The following DIAPH3 variants were observed in gnomAD, a reference collection of about 807,000 sequenced individuals.
DIAPH3 encodes the protein diaphanous related formin 3.
DIAPH3 carries 117 observed loss-of-function variants against 144.3 expected under a neutral mutation model. That is an observed-to-expected ratio of 0.81 (90% CI 0.70 to 0.95). The LOEUF (loss-of-function observed/expected upper bound fraction) is 0.95, where lower values mean the gene tolerates loss of function less well. Among genes scored for constraint, DIAPH3 ranks in the 40% least tolerant of loss-of-function variants. DIAPH3 has a pLI of 0.00. For missense variants in DIAPH3, 1,421 were observed against 1,412.7 expected, an observed-to-expected ratio of 1.01 and a Z score of -0.09; for synonymous variants, 519 against 488.9, an observed-to-expected ratio of 1.06 and a Z score of -0.81.
chr13:59,939,557 C>T (rs1486639816), intron 17 of DIAPH3, among the ~76,000 whole-genome samples: 1 of 152,136 alleles, frequency 6.6e-6, no homozygotes, highest in Non-Finnish European at 1.5e-5. Context: ...CGCATAAAGA[C>T]AGGTGGCACA....
At chr13:59,979,065 TA>T (rs760251543) in intron 14 of DIAPH3, among the ~76,000 whole-genome samples, 151 of 151,818 alleles carry the variant, frequency 9.9e-4, no homozygotes, top group Non-Finnish European at 8.6e-4. Context: ...TGCTGATATA[TA>T]CAAAATGATA....
chr13:59,754,155 T>C (rs549477472), intron 27 of DIAPH3, among the ~76,000 whole-genome samples: 1 of 152,308 alleles, frequency 6.6e-6, no homozygotes, highest in Admixed American at 6.5e-5. Flanking sequence ...CTACTTCTGA[T>C]ATTTTTGAGG....
At chr13:59,970,757 G>T in intron 16 of DIAPH3, 95 bp downstream of exon 16, 1 of 1,069,408 alleles carries the variant, frequency 9.4e-7, no homozygotes, top group Non-Finnish European at 1.3e-6. Context: ...AATTATGTAG[G>T]CATAAATTAA....
At chr13:59,845,352 T>G (rs1011529326) in intron 22 of DIAPH3, among the ~76,000 whole-genome samples, 29 of 152,126 alleles carry the variant, frequency 1.9e-4, no homozygotes, top group African/African-American at 7.0e-4. Context: ...GACTTAACAC[T>G]TTTAAAGTCA....
chr13:59,768,360 A>C (rs1372270863), intron 27 of DIAPH3, among the ~76,000 whole-genome samples: 3 of 152,172 alleles, frequency 2.0e-5, no homozygotes, highest in Non-Finnish European at 4.4e-5. Context: ...TTTCTACTTT[A>C]AAATAAGATA....
intron 1 of DIAPH3, among the ~76,000 whole-genome samples, chr13:60,134,106 T>C (rs2059208656): frequency 6.6e-6 from 1 of 152,188 alleles, no homozygotes; most frequent in South Asian, 2.1e-4. Context: ...TTCACCAAGA[T>C]GTTCCTTCTT....
intron 14 of DIAPH3, among the ~76,000 whole-genome samples, chr13:59,974,704 TGCAGA>T (rs1188927650): frequency 6.6e-6 from 1 of 152,070 alleles, no homozygotes; most frequent in African/African-American, 2.4e-5. Flanking sequence ...ACCTTCTCTC[TGCAGA>T]GCAAACTGGC....
intron 4 of DIAPH3, among the ~76,000 whole-genome samples, chr13:60,066,958 T>C (rs967496724): frequency 6.6e-6 from 1 of 152,172 alleles, no homozygotes; most frequent in Admixed American, 6.6e-5. Context: ...AAGTATATAA[T>C]TGGTATTCGA....
At chr13:60,104,526 T>C (rs2058354509) in intron 3 of DIAPH3, among the ~76,000 whole-genome samples, 1 of 149,878 alleles carries the variant, frequency 6.7e-6, no homozygotes, top group Non-Finnish European at 1.5e-5. Flanking sequence ...ACTATCTTAA[T>C]TGAAAAACAA....
At chr13:59,673,677 CTGAG>C (rs1040471462) in intron 27 of DIAPH3, among the ~76,000 whole-genome samples, 3 of 152,286 alleles carry the variant, frequency 2.0e-5, no homozygotes, top group Admixed American at 6.5e-5. Flanking sequence ...AGCCTGATTT[CTGAG>C]TGAGAGATGG....
rs112002207 is a variant in DIAPH3, at chr13:60,067,364, A to T, written c.496-24544T>A. ...CTTCCAATGCATTTACTCAACCAAC[A>T]TTTATTAAGTCAAATATATACAGGC... On this transcript the variant is annotated intron_variant, in intron 4 of 27. Coordinates refer to ENST00000400324, the MANE Select transcript of DIAPH3 (RefSeq NM_001042517.2). Among the ~76,000 whole-genome samples, 395 of 152,230 alleles carry T rather than the reference A, an allele frequency of 2.6e-3. 1 individual carries two copies. Among genetic ancestry groups the T allele is most frequent in the African/African-American group, 8.9e-3 (371 of 41,546 alleles).
At chr13:60,021,247 G>A (rs890412860) in intron 5 of DIAPH3, among the ~76,000 whole-genome samples, 2 of 152,330 alleles carry the variant, frequency 1.3e-5, no homozygotes, top group South Asian at 4.1e-4. Flanking sequence ...AATTACCCTA[G>A]TTTATCCAGG....
intron 27 of DIAPH3, among the ~76,000 whole-genome samples, chr13:59,682,237 C>T (rs558992483): frequency 8.5e-5 from 13 of 152,286 alleles, no homozygotes; most frequent in South Asian, 2.1e-4. Context: ...CCAATTTGTA[C>T]GAAGGGTCCA....
intron 25 of DIAPH3, among the ~76,000 whole-genome samples, chr13:59,777,470 T>C (rs1415912801): frequency 1.3e-5 from 2 of 152,126 alleles, no homozygotes; most frequent in African/African-American, 2.4e-5. Flanking sequence ...ACAATTCACA[T>C]AGTAAGAAAT....
intron 5 of DIAPH3, among the ~76,000 whole-genome samples, chr13:60,035,834 T>A (rs910376300): frequency 6.6e-6 from 1 of 152,128 alleles, no homozygotes; most frequent in South Asian, 2.1e-4. Flanking sequence ...TAGGCACATC[T>A]CTCTAATGAA....
Position 59,731,159 on chromosome 13 carries a change from T to C in DIAPH3, c.3319+43030A>G, listed in dbSNP as rs143036192. 4.2e-3 allele frequency among the ~76,000 whole-genome samples: 637 copies of C among 152,318 alleles called. 8 individuals are homozygous for C. Among genetic ancestry groups the C allele is most frequent in the Non-Finnish European group, 2.5e-3 (168 of 68,020 alleles). On this transcript the variant is annotated intron_variant, in intron 27 of 27. Coordinates refer to ENST00000400324, the MANE Select transcript of DIAPH3 (RefSeq NM_001042517.2). ...TTATCATATCTTCTCATTTGTTTCA[T>C]TGACAGCATAATAAGCTGCTACTTT... is the stretch of plus-strand genomic sequence containing the variant.
intron 3 of DIAPH3, among the ~76,000 whole-genome samples, chr13:60,107,989 A>C (rs2058465765): frequency 6.6e-6 from 1 of 152,162 alleles, no homozygotes; most frequent in African/African-American, 2.4e-5. Flanking sequence ...TCATTATTTT[A>C]ATGTTTTTGT....
chr13:59,670,621 C>T (rs1157261401), intron 27 of DIAPH3, among the ~76,000 whole-genome samples: 3 of 145,894 alleles, frequency 2.1e-5, no homozygotes, highest in Non-Finnish European at 3.0e-5. Context: ...CTTGCTCTGT[C>T]GCCCAGGCTG....
At chr13:59,871,030 T>A (rs1216611754) in intron 21 of DIAPH3, among the ~76,000 whole-genome samples, 1 of 152,094 alleles carries the variant, frequency 6.6e-6, no homozygotes, top group Non-Finnish European at 1.5e-5. Context: ...TATGTATGGT[T>A]TTTGTTACTA....
Sources: gnomAD v4.1 joint callset for allele counts (sites outside exome capture counted in the v4.1 genomes callset) on GRCh38, gnomAD v4.1.1 for gene constraint, MANE v1.5 for transcripts, NCBI Gene and HGNC (gene_info 2026-07-23, HGNC 2026-07-21) for gene names.